Variants in CDH13 observed in about 807,000 individuals in gnomAD.
The protein encoded by CDH13 is cadherin 13, also known as cadherin-13.
A neutral mutation model predicts 63.8 loss-of-function variants in CDH13; 24 were observed. The ratio of observed to expected loss-of-function variants is 0.38; its 90% CI spans 0.27 to 0.53. CDH13 has a LOEUF of 0.53. Ranked by LOEUF, CDH13 falls within the 20% of genes least tolerant of loss-of-function variation. The probability of loss-of-function intolerance (pLI) is 0.85; values close to 1 mark genes in which losing one functional copy is unlikely to be tolerated. For synonymous variants in CDH13, 503 were observed against 355.3 expected (o/e 1.42, Z -4.67); for missense variants, 1,049 against 903.1 (o/e 1.16, Z -2.07).
intron 2 of CDH13, among the ~76,000 whole-genome samples, chr16:83,026,150 G>T (rs1915778187): frequency 6.6e-6 from 1 of 152,226 alleles, no homozygotes; most frequent in Admixed American, 6.5e-5. Context: ...TCCTGAAACT[G>T]CAGTTGTTCT....
intron 5 of CDH13, among the ~76,000 whole-genome samples, chr16:83,243,313 G>A (rs1209051120): frequency 6.6e-6 from 1 of 152,212 alleles, no homozygotes; most frequent in African/African-American, 2.4e-5. Flanking sequence ...AGGCCTCACG[G>A]CGATGGTGGA....
chr16:83,795,303 C>A lies in CDH13; in HGVS notation c.*273C>A, dbSNP rs1904276128. The A allele has an allele frequency of 6.5e-6, 3 of 458,248 alleles. No homozygotes were observed. The highest frequency in any genetic ancestry group is 2.8e-5 in the South Asian group (1 of 35,558). 28.4% of individuals were successfully genotyped at this position (458,248 alleles called of 1,614,324 possible). On this transcript the variant is annotated 3_prime_UTR_variant, in exon 14 of 14. Coordinates refer to ENST00000567109, the MANE Select transcript of CDH13 (RefSeq NM_001257.5). ...TGACTTGATCTTCTGGGAGCAGGAA[C>A]AATGACTACTTTTTCTGGTGTGTTA... is the stretch of plus-strand genomic sequence containing the variant.
chr16:83,589,683 C>T (rs1414569058), intron 7 of CDH13, among the ~76,000 whole-genome samples: 1 of 152,062 alleles, frequency 6.6e-6, no homozygotes, highest in Non-Finnish European at 1.5e-5. Context: ...GATACATGAA[C>T]CTGACATTGA....
intron 1 of CDH13, among the ~76,000 whole-genome samples, chr16:82,758,581 G>A (rs760279472): frequency 1.1e-4 from 16 of 152,196 alleles, no homozygotes; most frequent in Non-Finnish European, 2.1e-4. Flanking sequence ...TAGGTCACAT[G>A]TTCCCAGTGA....
chr16:82,731,418 C>A (rs1411375484), intron 1 of CDH13, among the ~76,000 whole-genome samples: 1 of 152,162 alleles, frequency 6.6e-6, no homozygotes, highest in Non-Finnish European at 1.5e-5. Flanking sequence ...ATAAAGAATG[C>A]AAATTAAATT....
intron 10 of CDH13, among the ~76,000 whole-genome samples, chr16:83,680,734 C>T (rs1915336887): frequency 6.6e-6 from 1 of 152,102 alleles, no homozygotes; most frequent in Admixed American, 6.5e-5. Context: ...GTAATCATCA[C>T]AGCTTTGGCC....
At chr16:82,766,590 T>A (rs2035060278) in intron 1 of CDH13, among the ~76,000 whole-genome samples, 1 of 152,226 alleles carries the variant, frequency 6.6e-6, no homozygotes, top group African/African-American at 2.4e-5. Flanking sequence ...GAGGACTAAA[T>A]GAGACAATAC....
At chr16:82,941,742 C>G (rs559164959) in intron 2 of CDH13, among the ~76,000 whole-genome samples, 6 of 152,268 alleles carry the variant, frequency 3.9e-5, no homozygotes, top group South Asian at 2.1e-4. Flanking sequence ...CTGTTCCCAT[C>G]TCTCCTTCTC....
intron 8 of CDH13, among the ~76,000 whole-genome samples, chr16:83,635,332 C>CTTTTTTTTTTTTTTTTTTTTTTTTTT: frequency 2.1e-5 from 1 of 46,716 alleles, no homozygotes; most frequent in Non-Finnish European, 3.5e-5. Flanking sequence ...CATTTTCTTT[C>CTTTTTTTTTTTTTTTTTTTTTTTTTT]TTTTTTTTTT....
At chr16:83,736,671 C>T (rs748770974) in intron 10 of CDH13, among the ~76,000 whole-genome samples, 6 of 152,150 alleles carry the variant, frequency 3.9e-5, no homozygotes, top group Non-Finnish European at 7.3e-5. Flanking sequence ...TGGCAGTGAG[C>T]GCCTAGCGGA....
intron 1 of CDH13, chr16:82,824,389 T>G (rs747970251): frequency 1.3e-5 from 2 of 151,778 alleles, no homozygotes; most frequent in African/African-American, 4.8e-5. Context: ...ATGAAGAGAG[T>G]TTCTCTTTCT....
chr16:82,882,335 C>T (rs2040733515), intron 2 of CDH13, among the ~76,000 whole-genome samples: 1 of 152,124 alleles, frequency 6.6e-6, no homozygotes. Flanking sequence ...CTTTGGAGAC[C>T]AGGCATGAAG....
intron 5 of CDH13, among the ~76,000 whole-genome samples, chr16:83,322,999 A>G (rs930144333): frequency 6.6e-6 from 1 of 151,784 alleles, no homozygotes; most frequent in African/African-American, 2.4e-5. Context: ...TTTCATACCC[A>G]TTTGTTTGAT....
chr16:83,267,787 T>A (rs1252425424), intron 5 of CDH13, among the ~76,000 whole-genome samples: 8 of 152,174 alleles, frequency 5.3e-5, no homozygotes, highest in Non-Finnish European at 8.8e-5. Context: ...TCATTAGAAA[T>A]GACCCAGTCA....
rs141397723 is a variant in CDH13, at chr16:83,579,380, C to T, written c.961-23074C>T. 7.4e-4 allele frequency among the ~76,000 whole-genome samples: 112 copies of T among 152,110 alleles called. No homozygotes were observed. In the East Asian group the frequency reaches 0.016, roughly 21 times the overall value. On this transcript the variant is annotated intron_variant, in intron 7 of 13. Transcript: ENST00000567109. ...TTGGCTCACAGTTCCACAGGCTGTA[C>T]GGGAAGCATGGCTAGGGAGGCCTCA... is the stretch of plus-strand genomic sequence containing the variant.
chr16:83,148,603 TA>T (rs1159743424), intron 4 of CDH13, among the ~76,000 whole-genome samples: 1 of 152,226 alleles, frequency 6.6e-6, no homozygotes, highest in Non-Finnish European at 1.5e-5. Context: ...GAGGATTGAA[TA>T]AGATAATCTT....
intron 3 of CDH13, among the ~76,000 whole-genome samples, chr16:83,065,859 C>T (rs543982198): frequency 6.6e-6 from 1 of 152,246 alleles, no homozygotes; most frequent in East Asian, 1.9e-4. Context: ...GGGGAAACTT[C>T]CTCTTGCAAA....
Position 83,603,046 on chromosome 16 carries a change from C to T in CDH13, c.1101+452C>T, listed in dbSNP as rs573276357. 9.2e-5 allele frequency among the ~76,000 whole-genome samples: 14 copies of T among 152,266 alleles called. No individual in the cohort carries two copies. In the South Asian group the frequency reaches 1.2e-3, roughly 14 times the overall value. On this transcript the variant is annotated intron_variant, in intron 8 of 13. Coordinates refer to ENST00000567109, the MANE Select transcript of CDH13 (RefSeq NM_001257.5). ...TGGCCCAGGAGCTTATAAATAACAA[C>T]AAAGTTAGCTCATCCAGGAGAGCCA...
chr16:83,666,464 G>T (rs1051526049), intron 8 of CDH13, among the ~76,000 whole-genome samples: 1 of 152,190 alleles, frequency 6.6e-6, no homozygotes, highest in Admixed American at 6.5e-5. Context: ...TATTCTCTCA[G>T]GAGTAGATTT....
Sources: gnomAD v4.1 joint callset for allele counts (sites outside exome capture counted in the v4.1 genomes callset) on GRCh38, gnomAD v4.1.1 for gene constraint, MANE v1.5 for transcripts, NCBI Gene and HGNC (gene_info 2026-07-23, HGNC 2026-07-21) for gene names.